Variants in SARM1 observed in about 807,000 individuals in gnomAD.
SARM1 encodes the protein sterile alpha and TIR motif containing 1, also known as NAD(+) hydrolase SARM1.
In SARM1, 60 loss-of-function variants were observed where a neutral mutation model predicts 65.1. The ratio of observed to expected loss-of-function variants is 0.92; its 90% CI spans 0.75 to 1.14. SARM1 has a LOEUF of 1.14. Ranked by LOEUF, SARM1 falls within the 50% of genes most tolerant of loss-of-function variation. SARM1 has a pLI of 0.00. For missense variants in SARM1, 913 were observed against 1,015.7 expected (o/e 0.90, Z 1.37); for synonymous variants, 417 against 465.4 (o/e 0.90, Z 1.34).
chr17:28,399,755 AC>A lies in SARM1; in HGVS notation c.*3472del. On this transcript the variant is annotated 3_prime_UTR_variant, in exon 9 of 9. Coordinates refer to ENST00000585482, the MANE Select transcript of SARM1 (RefSeq NM_015077.4). ...AGAGAGTTTGGATTTCATGTGGGGA[AC>A]CCTCAAGGCCTGTCTGGAGAAGTGA... 6.2e-7 allele frequency: 1 copy of A among 1,607,460 alleles called. No homozygotes were observed. The highest frequency in any genetic ancestry group is 2.2e-5 in the East Asian group (1 of 44,832).
Position 28,372,448 on chromosome 17 carries a change from A to C in SARM1, c.416A>C (p.Glu139Ala), listed in dbSNP as rs2067963671. 1 of 1,530,266 alleles carries C rather than the reference A, an allele frequency of 6.5e-7. No homozygotes were observed. The highest frequency in any genetic ancestry group is 8.7e-7 in the Non-Finnish European group (1 of 1,145,386). 94.8% of individuals were successfully genotyped at this position (1,530,266 alleles called of 1,614,324 possible). A position where few individuals can be genotyped will look rare whatever the true frequency, so the allele number is the denominator to read the frequency against. The change falls in exon 1 of 9, where the codon GAG becomes GCG. Residue 139 changes from glutamate to alanine, a missense_variant. Glu to Ala is a moderately radical substitution (Grantham distance 107, BLOSUM62 -1). Coordinates refer to ENST00000585482, the MANE Select transcript of SARM1 (RefSeq NM_015077.4). The surrounding 1 kb of genome is among the most constrained non-coding windows in gnomAD (Gnocchi z 5.2). ...CGGCTGCTGCAGGCGCCGGAGTTGG[A>C]GACGCGTGTGCAGGCCGCGCGCCTG... Reference protein sequence around the residue: ...LLRLLQAPELETRVQAARLLE... With the variant: ...LLRLLQAPELATRVQAARLLE...
At chr17:28,395,361 GCCTTCTACCACCTTCCCAGCA>G (rs1223933601) in intron 7 of SARM1, 17 of 153,968 alleles carry the variant, frequency 1.1e-4, no homozygotes, top group African/African-American at 3.4e-4. Flanking sequence ...TGGATGCCAT[GCCTTCTACCACCTTCCCAGCA>G]CCTACACCTG....
At position 28,403,068 on chromosome 17, in the gene SARM1, C is replaced by G. The variant is rs969201574; in HGVS notation, c.*6782C>G. ...GATGGCCGCCCCAAGCCAAGGAATGCCAGCAGCCCCAGAAGCTGGAAGAAA... is the reference window on the plus strand; with the variant it reads ...GATGGCCGCCCCAAGCCAAGGAATGGCAGCAGCCCCAGAAGCTGGAAGAAA... On this transcript the variant is annotated 3_prime_UTR_variant, in exon 9 of 9. Transcript: ENST00000585482. 3 of 152,282 alleles carry G rather than the reference C, an allele frequency of 2.0e-5. No homozygotes were observed. Among genetic ancestry groups the G allele is most frequent in the Non-Finnish European group, 4.4e-5 (3 of 68,116 alleles). 9.4% of individuals were successfully genotyped at this position (152,282 alleles called of 1,614,324 possible).
At position 28,399,871 on chromosome 17, in the gene SARM1, T is replaced by C. The variant is rs2068175238; in HGVS notation, c.*3585T>C. 1.4e-6 allele frequency: 1 copy of C among 716,774 alleles called. No homozygotes were observed. 44.4% of individuals were successfully genotyped at this position (716,774 alleles called of 1,614,324 possible). On this transcript the variant is annotated 3_prime_UTR_variant, in exon 9 of 9. Coordinates refer to ENST00000585482, the MANE Select transcript of SARM1 (RefSeq NM_015077.4). The stretch of plus-strand genomic sequence containing the variant: ...AGAAGCTGAGAGCTGGAGGACAATA[T>C]CCAGGGACATGGCTCTGGAAAATAA...
chr17:28,385,785 A>T lies in SARM1; in HGVS notation c.1630+510A>T, dbSNP rs9909629. Among the ~76,000 whole-genome samples, 16,684 of 152,136 alleles carry T rather than the reference A, an allele frequency of 0.11. 1,068 individuals are homozygous for T. Among genetic ancestry groups the T allele is most frequent in the East Asian group, 0.23 (1,195 of 5,168 alleles). ...AAATTTGGGTCTAGAGGTGGTTTAG[A>T]GTGAATTCTAGGCCTCTAGCCACCC... On this transcript the variant is annotated intron_variant, in intron 5 of 8. Coordinates refer to ENST00000585482, the MANE Select transcript of SARM1 (RefSeq NM_015077.4). This position sits in a 1 kb window ranked among gnomAD's most constrained non-coding sequence, Gnocchi z 4.5.
Position 28,381,688 on chromosome 17 carries a change from G to T in SARM1, c.956G>T (p.Ser319Ile). Residue 319 changes from serine to isoleucine, a missense_variant, in exon 2 of 9, where the codon AGC becomes ATC. Ser to Ile is a moderately radical substitution (Grantham distance 142). Coordinates refer to ENST00000585482, the MANE Select transcript of SARM1 (RefSeq NM_015077.4). ...TGTCTGGTGGACGCCAGCGACACAA[G>T]CCAGGGCCGCGGGCCCGACGACCTG... is the stretch of plus-strand genomic sequence containing the variant. ...ARCLVDASDTSQGRGPDDLQR... is the reference protein window; with the variant it reads ...ARCLVDASDTIQGRGPDDLQR... 1 of 1,561,554 alleles carries T rather than the reference G, an allele frequency of 6.4e-7. No individual in the cohort carries two copies. Among genetic ancestry groups the T allele is most frequent in the East Asian group, 2.4e-5 (1 of 41,992 alleles).
At position 28,391,702 on chromosome 17, in the gene SARM1, T is replaced by C. The variant is rs537375413; in HGVS notation, c.1923+3163T>C. ...TGGTACAAAGGAGGCTCTATGCAAT[T>C]GCACCAAAAAAAAAAAAAAAAAAAA... On this transcript the variant is annotated intron_variant, in intron 7 of 8. Transcript: ENST00000585482. 5.9e-4 allele frequency among the ~76,000 whole-genome samples: 67 copies of C among 114,454 alleles called. 2 individuals carry two copies. The South Asian group carries it at 0.017, about 30-fold the overall frequency. The allele number at this position is 114,454 out of a possible 152,430, so 75.1% of individuals were successfully genotyped here.
chr17:28,388,564 G>T, intron 7 of SARM1, 25 bp downstream of exon 7: 1 of 1,604,580 alleles, frequency 6.2e-7, no homozygotes, highest in Non-Finnish European at 8.5e-7. Context: ...ATGCTTCTGC[G>T]GTCCCAGCAT....
chr17:28,384,344 ACTCC>A lies in SARM1; in HGVS notation c.1090-6_1090-3del, dbSNP rs1163672524. On this transcript the variant is annotated splice_polypyrimidine_tract_variant and intron_variant, in intron 2 of 8. Coordinates refer to ENST00000585482, the MANE Select transcript of SARM1 (RefSeq NM_015077.4). The surrounding 1 kb of genome is among the most constrained non-coding windows in gnomAD (Gnocchi z 4.4). ...TGGTGGGACCTACAGCCCTCTCCCC[ACTCC>A]CTCCCTAGGTGTTCAGCGACATCGG... 1 of 1,558,890 alleles carries A rather than the reference ACTCC, an allele frequency of 6.4e-7. No homozygotes were observed. Among genetic ancestry groups the A allele is most frequent in the Non-Finnish European group, 8.7e-7 (1 of 1,150,736 alleles).
chr17:28,382,704 G>T (rs782183837), intron 2 of SARM1, among the ~76,000 whole-genome samples: 2 of 152,166 alleles, frequency 1.3e-5, no homozygotes, highest in Non-Finnish European at 2.9e-5. Flanking sequence ...GATAGTTTTA[G>T]CACCACAAGT....
In SARM1 at chr17:28,396,654, CA is replaced by C. The variant is rs2068127915; in HGVS notation, c.*369del. ...TCAGCTTGAGGAGGATGACGGAAGG[CA>C]GCCTCAGACAGGAATTAAGGCAATG... On this transcript the variant is annotated 3_prime_UTR_variant, in exon 9 of 9. Coordinates refer to ENST00000585482, the MANE Select transcript of SARM1 (RefSeq NM_015077.4). 1 of 230,032 alleles carries C rather than the reference CA, an allele frequency of 4.3e-6. No homozygotes were observed. The highest frequency in any genetic ancestry group is 8.6e-6 in the Non-Finnish European group (1 of 116,330). 14.2% of individuals were successfully genotyped at this position (230,032 alleles called of 1,614,324 possible).
In SARM1 at chr17:28,385,032, G is replaced by A; in HGVS notation, c.1395-8G>A. The A allele has an allele frequency of 6.2e-7, 1 of 1,612,308 alleles. No individual in the cohort carries two copies. The highest frequency in any genetic ancestry group is 8.5e-7 in the Non-Finnish European group (1 of 1,178,660). ...GGACCTCAGCGTCTTCTCCTCCGTG[G>A]GGTGCAGGTTCTTTAGGGAGCTCAC... On this transcript the variant is annotated splice_polypyrimidine_tract_variant and splice_region_variant and intron_variant, in intron 4 of 8. Coordinates refer to ENST00000585482, the MANE Select transcript of SARM1 (RefSeq NM_015077.4). The surrounding 1 kb of genome is among the most constrained non-coding windows in gnomAD (Gnocchi z 4.5).
intron 5 of SARM1, among the ~76,000 whole-genome samples, chr17:28,386,068 C>T (rs782175727): frequency 3.9e-5 from 6 of 152,106 alleles, no homozygotes; most frequent in Non-Finnish European, 4.4e-5. Context: ...CCAAGGCAGG[C>T]GGATCGCTCA....
rs1178965977 is a variant in SARM1 at position 28,400,085 on chromosome 17, A to T, written c.*3799A>T. ...ATTTTTTAAATTTTTTATACAGACA[A>T]GGTCTTGCTATGTTGCCCAGGCTGA... is the stretch of plus-strand genomic sequence containing the variant. On this transcript the variant is annotated 3_prime_UTR_variant, in exon 9 of 9. Transcript: ENST00000585482. 1.1e-5 allele frequency: 3 copies of T among 267,832 alleles called. No homozygotes were observed. The highest frequency in any genetic ancestry group is 6.7e-5 in the African/African-American group (3 of 45,032). 16.6% of individuals were successfully genotyped at this position (267,832 alleles called of 1,614,324 possible).
chr17:28,403,867 A>C lies in SARM1; in HGVS notation c.*7581A>C, dbSNP rs1567817647. On this transcript the variant is annotated 3_prime_UTR_variant, in exon 9 of 9. Coordinates refer to ENST00000585482, the MANE Select transcript of SARM1 (RefSeq NM_015077.4). ...CATCTCTATAAAAAATACAAAAATT[A>C]GCAAGGTGTGGTAATGTGCACCAGT... 1 of 152,276 alleles carries C rather than the reference A, an allele frequency of 6.6e-6. No individual in the cohort carries two copies. Among genetic ancestry groups the C allele is most frequent in the Non-Finnish European group, 1.5e-5 (1 of 68,144 alleles). The allele number at this position is 152,276 out of a possible 1,614,324, so 9.4% of individuals were successfully genotyped here. A position where few individuals can be genotyped will look rare whatever the true frequency, so the allele number is the denominator to read the frequency against.
intron 5 of SARM1, among the ~76,000 whole-genome samples, chr17:28,387,182 G>T (rs1257301864): frequency 6.6e-6 from 1 of 151,838 alleles, no homozygotes; most frequent in African/African-American, 2.4e-5. Context: ...AAGATGTTCT[G>T]GTAGCTGTGG....
In SARM1 at chr17:28,396,476, G is replaced by C; in HGVS notation, c.*190G>C. 1.5e-6 allele frequency: 1 copy of C among 674,218 alleles called. No individual in the cohort carries two copies. Among genetic ancestry groups the C allele is most frequent in the Non-Finnish European group, 2.5e-6 (1 of 406,126 alleles). The allele number at this position is 674,218 out of a possible 1,614,324, so 41.8% of individuals were successfully genotyped here. On this transcript the variant is annotated 3_prime_UTR_variant, in exon 9 of 9. Transcript: ENST00000585482. ...CTTTCCTCAGTATCTGGAGAGGGAA[G>C]GGAAGTCAGGCTTGGGCACGGGAGG... is the stretch of plus-strand genomic sequence containing the variant.
In SARM1 at chr17:28,395,955, T is replaced by C; in HGVS notation, c.1974T>C (p.Asp658=). Residue 658 remains aspartate (D), a synonymous_variant, in exon 8 of 9, where the codon GAT becomes GAC. Coordinates refer to ENST00000585482, the MANE Select transcript of SARM1 (RefSeq NM_015077.4). ...GCAAGAACATTGTGCCCATCATTGATGGCTTCGAGTGGCCTGAGCCCCAGG... is the reference window on the plus strand; with the variant it reads ...GCAAGAACATTGTGCCCATCATTGACGGCTTCGAGTGGCCTGAGCCCCAGG... The part of the protein sequence containing the change: ...SCGKNIVPII[D]GFEWPEPQVL... 6.2e-7 allele frequency: 1 copy of C among 1,613,990 alleles called. No homozygotes were observed. The highest frequency in any genetic ancestry group is 8.5e-7 in the Non-Finnish European group (1 of 1,179,876).
chr17:28,400,842 G>T lies in SARM1; in HGVS notation c.*4556G>T. 7.4e-7 allele frequency: 1 copy of T among 1,353,250 alleles called. No individual in the cohort carries two copies. Among genetic ancestry groups the T allele is most frequent in the Non-Finnish European group, 1.0e-6 (1 of 971,082 alleles). The allele number at this position is 1,353,250 out of a possible 1,614,324, so 83.8% of individuals were successfully genotyped here. A position where few individuals can be genotyped will look rare whatever the true frequency, so the allele number is the denominator to read the frequency against. On this transcript the variant is annotated 3_prime_UTR_variant, in exon 9 of 9. Coordinates refer to ENST00000585482, the MANE Select transcript of SARM1 (RefSeq NM_015077.4). ...ACTCTGGCACCACCACCTCACAGCTGTGTGACCGGGAGTAGTCACTTAACC... is the reference window on the plus strand; with the variant it reads ...ACTCTGGCACCACCACCTCACAGCTTTGTGACCGGGAGTAGTCACTTAACC...
Sources: allele counts gnomAD v4.1 joint callset (sites outside exome capture counted in the v4.1 genomes callset), GRCh38; gene constraint gnomAD v4.1.1; non-coding constraint Gnocchi (gnomAD v3.1); transcripts MANE v1.5; gene names NCBI Gene and HGNC (gene_info 2026-07-23, HGNC 2026-07-21).